The following OPRM1 variants were observed in gnomAD, a reference collection of about 807,000 sequenced individuals.
OPRM1 encodes mu-type opioid receptor.
OPRM1 carries 27 observed loss-of-function variants against 31.8 expected under a neutral mutation model. That is an observed-to-expected ratio of 0.85 (90% CI 0.63 to 1.17). The LOEUF (loss-of-function observed/expected upper bound fraction) is 1.17, where lower values mean the gene tolerates loss of function less well. OPRM1 is among the 50% of genes most tolerant of loss of function. OPRM1 has a pLI of 0.00. For synonymous variants in OPRM1, 196 were observed against 189.9 expected (o/e 1.03, Z -0.26); for missense variants, 536 against 511.1 (o/e 1.05, Z -0.47).
At chr6:154,200,123 G>A (rs933507569) in intron 3 of OPRM1, 10 of 1,263,208 alleles carry the variant, frequency 7.9e-6, no homozygotes, top group African/African-American at 3.0e-5. Context: ...TTTCAATCAC[G>A]GTGTCCCCGT....
At position 154,126,351 on chromosome 6, in the gene OPRM1, C is replaced by T. The variant is rs1461728878; in HGVS notation, c.*7630C>T. On this transcript the variant is annotated 3_prime_UTR_variant, in exon 4 of 4. Coordinates refer to ENST00000330432, the MANE Select transcript of OPRM1 (RefSeq NM_000914.5). Reference sequence around the variant, plus strand: ...AAGACCAGAGAGAAGGGAGAGGAGACTACATTTGTGTGACCTAATGGTTGT... The same window carrying T: ...AAGACCAGAGAGAAGGGAGAGGAGATTACATTTGTGTGACCTAATGGTTGT... Among the ~76,000 whole-genome samples the T allele has an allele frequency of 6.6e-6, 1 of 152,154 alleles. No individual in the cohort carries two copies. Among genetic ancestry groups the T allele is most frequent in the African/African-American group, 2.4e-5 (1 of 41,436 alleles).
intron 1 of OPRM1, among the ~76,000 whole-genome samples, chr6:154,020,260 G>GT (rs1236684927): frequency 6.6e-6 from 1 of 152,068 alleles, no homozygotes; most frequent in Non-Finnish European, 1.5e-5. Flanking sequence ...AATATGTTTA[G>GT]TTTTTTAAGA....
chr6:154,039,794 G>A lies in OPRM1; in HGVS notation c.250G>A (p.Gly84Arg). ...MALYSIVCVV[G>R]LFGNFLVMYV... Reference sequence around the variant, plus strand: ...CCTCTACTCCATCGTGTGCGTGGTGGGGCTCTTCGGAAACTTCCTGGTCAT... The same window carrying A: ...CCTCTACTCCATCGTGTGCGTGGTGAGGCTCTTCGGAAACTTCCTGGTCAT... Residue 84 changes from glycine (G) to arginine (R), a missense_variant, in exon 1 of 4, where the codon GGG becomes AGG. Physicochemically the swap from Gly to Arg is moderately radical, Grantham distance 125. Transcript: ENST00000330432. The A allele has an allele frequency of 6.3e-7, 1 of 1,597,876 alleles. No homozygotes were observed. The highest frequency in any genetic ancestry group is 8.5e-7 in the Non-Finnish European group (1 of 1,177,750).
In OPRM1 at chr6:154,132,062, G is replaced by A. The variant is rs1295906249; in HGVS notation, c.*13341G>A. Among the ~76,000 whole-genome samples, 1 of 151,624 alleles carries A rather than the reference G, an allele frequency of 6.6e-6. No homozygotes were observed. Among genetic ancestry groups the A allele is most frequent in the Non-Finnish European group, 1.5e-5 (1 of 67,948 alleles). ...AGCTACTATTTCACATTTCCAGGTA[G>A]GACAGGATGATCAGATGCAGCTTTC... On this transcript the variant is annotated 3_prime_UTR_variant, in exon 4 of 4. Transcript: ENST00000330432.
chr6:154,045,557 T>C (rs943025699), intron 1 of OPRM1, among the ~76,000 whole-genome samples: 1 of 152,172 alleles, frequency 6.6e-6, no homozygotes, highest in Non-Finnish European at 1.5e-5. Context: ...TTTCTAGGGC[T>C]CCACCAGGCA....
intron 1 of OPRM1, among the ~76,000 whole-genome samples, chr6:154,064,767 C>A (rs1051341390): frequency 6.6e-6 from 1 of 152,124 alleles, no homozygotes; most frequent in Non-Finnish European, 1.5e-5. Flanking sequence ...ATTGAAAGGT[C>A]TTGGAACTCT....
intron 3 of OPRM1, among the ~76,000 whole-genome samples, chr6:154,143,086 T>C (rs1414929562): frequency 1.3e-5 from 2 of 152,130 alleles, no homozygotes; most frequent in Admixed American, 6.5e-5. Context: ...TTCTAATATA[T>C]ATATAAAAAA....
At chr6:154,192,133 T>C (rs903271919) in intron 3 of OPRM1, among the ~76,000 whole-genome samples, 5 of 152,200 alleles carry the variant, frequency 3.3e-5, no homozygotes, top group Non-Finnish European at 7.3e-5. Flanking sequence ...CACCTGGAAG[T>C]GGAACTGCTG....
chr6:154,046,200 GCAC>G (rs1781084856), intron 1 of OPRM1, among the ~76,000 whole-genome samples: 1 of 152,142 alleles, frequency 6.6e-6, no homozygotes, highest in Non-Finnish European at 1.5e-5. Context: ...CTGATAGGCA[GCAC>G]CAGTTAGAAC....
At chr6:154,063,962 T>A (rs1363429035) in intron 1 of OPRM1, among the ~76,000 whole-genome samples, 1 of 152,124 alleles carries the variant, frequency 6.6e-6, no homozygotes, top group Admixed American at 6.5e-5. Flanking sequence ...GATGGGTATA[T>A]AAATATCTTG....
At position 154,129,769 on chromosome 6, in the gene OPRM1, T is replaced by C. The variant is rs1562498388; in HGVS notation, c.*11048T>C. Among the ~76,000 whole-genome samples the C allele has an allele frequency of 6.6e-6, 1 of 151,904 alleles. No homozygotes were observed. The highest frequency in any genetic ancestry group is 2.4e-5 in the African/African-American group (1 of 41,304). ...TGAAGACTCCTGTGATTTTTTTAAA[T>C]GGCTGGTTTGGTTGAAGTTTCTCTT... On this transcript the variant is annotated 3_prime_UTR_variant, in exon 4 of 4. Transcript: ENST00000330432.
rs546277872 is a variant in OPRM1 at position 154,152,128 on chromosome 6, G to A, written c.1164+60656G>A. On this transcript the variant is annotated intron_variant, in intron 3 of 3. Coordinates refer to the OPRM1 transcript ENST00000337049. Reference sequence around the variant, plus strand: ...GGAGGCAGAGGTTGCAGTGAGCCAAGATCGCGCCACTGCACTCCAGCCAAC... The same window carrying A: ...GGAGGCAGAGGTTGCAGTGAGCCAAAATCGCGCCACTGCACTCCAGCCAAC... Among the ~76,000 whole-genome samples the A allele has an allele frequency of 6.5e-5, 9 of 138,236 alleles. No individual in the cohort carries two copies. The South Asian group carries it at 6.6e-4, about 10-fold the overall frequency. The allele number at this position is 138,236 out of a possible 152,430, so 90.7% of individuals were successfully genotyped here. A position where few individuals can be genotyped will look rare whatever the true frequency, so the allele number is the denominator to read the frequency against.
At chr6:154,072,083 CCTT>C (rs1384194983) in intron 1 of OPRM1, among the ~76,000 whole-genome samples, 1 of 152,120 alleles carries the variant, frequency 6.6e-6, no homozygotes, top group Non-Finnish European at 1.5e-5. Flanking sequence ...TGTCCCTTCT[CCTT>C]CTTTGGCAAT....
At chr6:154,172,773 A>G (rs1270982852) in intron 3 of OPRM1, among the ~76,000 whole-genome samples, 1 of 152,240 alleles carries the variant, frequency 6.6e-6, no homozygotes, top group African/African-American at 2.4e-5. Context: ...TGCAGATTTA[A>G]GTGTCCTTGC....
At chr6:154,061,606 G>A (rs1034924433) in intron 1 of OPRM1, among the ~76,000 whole-genome samples, 11 of 152,092 alleles carry the variant, frequency 7.2e-5, no homozygotes, top group African/African-American at 2.7e-4. Context: ...ACTTATAAGT[G>A]AGAGCTAAAC....
chr6:154,088,985 A>C (rs887180149), intron 1 of OPRM1, among the ~76,000 whole-genome samples: 1 of 152,050 alleles, frequency 6.6e-6, no homozygotes, highest in Non-Finnish European at 1.5e-5. Flanking sequence ...TTGTGCTTTG[A>C]GATTAAACTT....
intron 3 of OPRM1, among the ~76,000 whole-genome samples, chr6:154,235,346 C>A (rs1347082604): frequency 6.6e-6 from 1 of 152,140 alleles, no homozygotes; most frequent in Non-Finnish European, 1.5e-5. Flanking sequence ...GCCTGGCCCA[C>A]ATGGCGAAAA....
At chr6:154,096,564 A>C (rs528907413) in intron 3 of OPRM1, among the ~76,000 whole-genome samples, 144 of 152,260 alleles carry the variant, frequency 9.5e-4, no homozygotes, top group Non-Finnish European at 1.9e-3. Flanking sequence ...AACCACTATA[A>C]TAATAATGCT....
rs1384817497 is a variant in OPRM1 at position 154,168,992 on chromosome 6, T to C, written c.1164+77520T>C. On this transcript the variant is annotated intron_variant, in intron 3 of 3. Transcript: ENST00000337049. The surrounding 1 kb of genome is among the most constrained non-coding windows in gnomAD (Gnocchi z 4.1). Reference sequence around the variant, plus strand: ...AAATTCATGTGTTTCTCACGTGCAATATATTCACCTCATCCCAACAACTCC... The same window carrying C: ...AAATTCATGTGTTTCTCACGTGCAACATATTCACCTCATCCCAACAACTCC... Among the ~76,000 whole-genome samples the C allele has an allele frequency of 1.3e-5, 2 of 151,920 alleles. No individual in the cohort carries two copies. Among genetic ancestry groups the C allele is most frequent in the Admixed American group, 6.6e-5 (1 of 15,248 alleles).
Sources: allele counts gnomAD v4.1 joint callset (sites outside exome capture counted in the v4.1 genomes callset), GRCh38; gene constraint gnomAD v4.1.1; non-coding constraint Gnocchi (gnomAD v3.1); transcripts MANE v1.5; gene names NCBI Gene and HGNC (gene_info 2026-07-23, HGNC 2026-07-21).